Variants in KHDRBS2 observed in about 807,000 individuals in gnomAD.
KHDRBS2 encodes KH domain-containing, RNA-binding, signal transduction-associated protein 2.
Under a neutral mutation model 44.3 loss-of-function variants are expected in KHDRBS2, and 26 were observed. The ratio of observed to expected loss-of-function variants is 0.59; its 90% CI spans 0.43 to 0.81. The LOEUF is 0.81. Ranked by LOEUF, KHDRBS2 falls within the 40% of genes least tolerant of loss-of-function variation. KHDRBS2 has a pLI of 0.00. For missense variants in KHDRBS2, 476 were observed against 433.1 expected (o/e 1.10, Z -0.88); for synonymous variants, 194 against 151.1 (o/e 1.28, Z -2.08).
chr6:61,778,832 C>T (rs952329662), intron 6 of KHDRBS2, among the ~76,000 whole-genome samples: 2 of 152,190 alleles, frequency 1.3e-5, no homozygotes, highest in African/African-American at 4.8e-5. Context: ...TGACTGGAAG[C>T]CTAACCATTT....
At chr6:62,070,154 C>A (rs1794654397) in intron 2 of KHDRBS2, among the ~76,000 whole-genome samples, 1 of 151,384 alleles carries the variant, frequency 6.6e-6, no homozygotes, top group Non-Finnish European at 1.5e-5. Flanking sequence ...CTGAGAGGTC[C>A]CTCTTTGCAA....
chr6:62,007,128 G>A (rs759937737), intron 3 of KHDRBS2, among the ~76,000 whole-genome samples: 20 of 152,088 alleles, frequency 1.3e-4, no homozygotes, highest in Non-Finnish European at 2.5e-4. Context: ...GGGAAGGCTC[G>A]TCAAACAAAA....
At chr6:61,767,509 T>C (rs1282124019) in intron 6 of KHDRBS2, among the ~76,000 whole-genome samples, 1 of 152,008 alleles carries the variant, frequency 6.6e-6, no homozygotes. Flanking sequence ...TTTGGTTTTC[T>C]TTTTTTGTCA....
At chr6:62,018,465 A>G (rs1208604774) in intron 3 of KHDRBS2, among the ~76,000 whole-genome samples, 2 of 152,022 alleles carry the variant, frequency 1.3e-5, no homozygotes, top group Admixed American at 6.6e-5. Context: ...CTCCTGTCTC[A>G]GCCTCCGGAG....
At chr6:61,882,169 T>A (rs756265715) in intron 6 of KHDRBS2, among the ~76,000 whole-genome samples, 4 of 151,924 alleles carry the variant, frequency 2.6e-5, no homozygotes, top group Non-Finnish European at 5.9e-5. Flanking sequence ...GTAGGAAAGG[T>A]TTCAGGCTTA....
At chr6:62,091,708 G>C (rs1799523318) in intron 2 of KHDRBS2, among the ~76,000 whole-genome samples, 1 of 152,070 alleles carries the variant, frequency 6.6e-6, no homozygotes. Flanking sequence ...AAAAAGGAGA[G>C]TACAGGAGAA....
intron 6 of KHDRBS2, among the ~76,000 whole-genome samples, chr6:61,738,787 C>T (rs548044822): frequency 3.9e-4 from 59 of 151,934 alleles, no homozygotes; most frequent in African/African-American, 1.3e-3. Context: ...TTGACTTAAA[C>T]GCTTATTATT....
Position 61,839,033 on chromosome 6 carries a change from G to A in KHDRBS2, c.810+55602C>T, listed in dbSNP as rs77965941. Among the ~76,000 whole-genome samples, 327 of 152,032 alleles carry A rather than the reference G, an allele frequency of 2.2e-3. 3 individuals are homozygous for A. Among genetic ancestry groups the A allele is most frequent in the African/African-American group, 7.5e-3 (311 of 41,504 alleles). ...ACTCTTTGCTCACCTCAGGGATTTCGCAGATACCTTTCCTTTGGCTGGAAT... is the reference window on the plus strand; with the variant it reads ...ACTCTTTGCTCACCTCAGGGATTTCACAGATACCTTTCCTTTGGCTGGAAT... On this transcript the variant is annotated intron_variant, in intron 6 of 8. Coordinates refer to ENST00000281156, the MANE Select transcript of KHDRBS2 (RefSeq NM_152688.4).
intron 2 of KHDRBS2, among the ~76,000 whole-genome samples, chr6:62,149,750 CAAAG>C (rs1229996626): frequency 1.3e-5 from 2 of 152,006 alleles, no homozygotes; most frequent in Admixed American, 6.6e-5. Flanking sequence ...AAGTCACAGA[CAAAG>C]AAGGAAAGAT....
chr6:61,918,755 C>T lies in KHDRBS2; in HGVS notation c.484-17384G>A, dbSNP rs184358827. ...GAGGTAATCAAAGAATATAATATTG[C>T]CTTTGCTGTGAAACTGGTATTATTG... On this transcript the variant is annotated intron_variant, in intron 4 of 8. Coordinates refer to ENST00000281156, the MANE Select transcript of KHDRBS2 (RefSeq NM_152688.4). 2.3e-3 allele frequency among the ~76,000 whole-genome samples: 356 copies of T among 151,942 alleles called. 2 individuals carry two copies. The highest frequency in any genetic ancestry group is 8.3e-3 in the African/African-American group (346 of 41,488).
chr6:61,590,234 G>A, the KHDRBS2 span, among the ~76,000 whole-genome samples: 1 of 152,146 alleles, frequency 6.6e-6, no homozygotes, highest in African/African-American at 2.4e-5. Flanking sequence ...TAAAAGTATG[G>A]AGCACTTTTA....
rs951786104 is a variant in KHDRBS2, at chr6:61,681,185, AT to A, written c.953-126del. 1.4e-5 allele frequency: 9 copies of A among 648,798 alleles called. No homozygotes were observed. In the African/African-American group the frequency reaches 1.6e-4, roughly 12 times the overall value. 40.2% of individuals were successfully genotyped at this position (648,798 alleles called of 1,614,324 possible). ...ATCTCAACACCGAACGCTAAAGCCT[AT>A]TTTTTCCACATCGTGAGACCATCAA... On this transcript the variant is annotated intron_variant, in intron 8 of 8. Coordinates refer to ENST00000281156, the MANE Select transcript of KHDRBS2 (RefSeq NM_152688.4).
At chr6:61,996,275 G>A (rs930576666) in intron 3 of KHDRBS2, among the ~76,000 whole-genome samples, 1 of 152,144 alleles carries the variant, frequency 6.6e-6, no homozygotes, top group Non-Finnish European at 1.5e-5. Context: ...ACATGAAAAT[G>A]AAAATGATGT....
At chr6:62,002,963 G>A (rs988404302) in intron 3 of KHDRBS2, among the ~76,000 whole-genome samples, 9 of 151,948 alleles carry the variant, frequency 5.9e-5, no homozygotes, top group African/African-American at 2.2e-4. Context: ...CCATTCTGAG[G>A]ATTTGGTAAT....
intron 6 of KHDRBS2, among the ~76,000 whole-genome samples, chr6:61,763,143 G>A (rs945218903): frequency 2.0e-5 from 3 of 152,186 alleles, no homozygotes; most frequent in African/African-American, 4.8e-5. Flanking sequence ...GAAAGCCCAG[G>A]AGCTGAGCAG....
intron 2 of KHDRBS2, among the ~76,000 whole-genome samples, chr6:62,090,762 T>A (rs578248539): frequency 1.3e-5 from 2 of 152,242 alleles, no homozygotes; most frequent in South Asian, 4.1e-4. Context: ...TTCATTTAAG[T>A]GTAATTTTTT....
At chr6:61,981,926 C>T (rs1583945146) in intron 3 of KHDRBS2, among the ~76,000 whole-genome samples, 1 of 152,072 alleles carries the variant, frequency 6.6e-6, no homozygotes, top group Non-Finnish European at 1.5e-5. Flanking sequence ...CTCCCTGATA[C>T]GTCCTGGTAT....
intron 1 of KHDRBS2, among the ~76,000 whole-genome samples, chr6:62,276,834 A>G (rs1758141008): frequency 1.3e-5 from 2 of 152,182 alleles, no homozygotes; most frequent in Admixed American, 6.5e-5. Flanking sequence ...CACAGGAGAC[A>G]ATGTGGTGTA....
At chr6:61,819,403 T>G (rs1029373088) in intron 6 of KHDRBS2, among the ~76,000 whole-genome samples, 2 of 152,224 alleles carry the variant, frequency 1.3e-5, no homozygotes, top group African/African-American at 2.4e-5. Context: ...TTGTCCCTAC[T>G]GTGACTTTCT....
Sources: gnomAD v4.1 joint callset for allele counts (sites outside exome capture counted in the v4.1 genomes callset) on GRCh38, gnomAD v4.1.1 for gene constraint, MANE v1.5 for transcripts, NCBI Gene and HGNC (gene_info 2026-07-23, HGNC 2026-07-21) for gene names.